Variants in GRID2 observed in about 807,000 individuals in gnomAD.
GRID2 encodes glutamate receptor ionotropic, delta-2.
A neutral mutation model predicts 114.8 loss-of-function variants in GRID2; 33 were observed. The ratio of observed to expected loss-of-function variants is 0.29; its 90% CI spans 0.22 to 0.38. The LOEUF (loss-of-function observed/expected upper bound fraction) is 0.38, where lower values mean the gene tolerates loss of function less well. Ranked by LOEUF, GRID2 falls within the 10% of genes least tolerant of loss-of-function variation. GRID2 has a pLI of 1.00. For synonymous variants in GRID2, 505 were observed against 449.9 expected (o/e 1.12, Z -1.55); for missense variants, 1,184 against 1,257.7 (o/e 0.94, Z 0.89).
At chr4:93,683,007 C>G (rs554602645) in intron 14 of GRID2, among the ~76,000 whole-genome samples, 1 of 151,680 alleles carries the variant, frequency 6.6e-6, no homozygotes, top group African/African-American at 2.4e-5. Context: ...AGGTTAAAAA[C>G]TGAGGGAAAT....
chr4:93,300,759 A>G (rs1754783722), intron 8 of GRID2, among the ~76,000 whole-genome samples: 1 of 152,280 alleles, frequency 6.6e-6, no homozygotes, highest in South Asian at 2.1e-4. Flanking sequence ...CTGCCTTAAA[A>G]TCCGAGCTCC....
At chr4:93,169,606 T>A (rs1332133137) in intron 4 of GRID2, among the ~76,000 whole-genome samples, 1 of 152,214 alleles carries the variant, frequency 6.6e-6, no homozygotes, top group Admixed American at 6.5e-5. Context: ...GCATCCTTTA[T>A]ATCACAGAAA....
At chr4:92,429,923 A>C (rs1732356872) in intron 1 of GRID2, among the ~76,000 whole-genome samples, 1 of 152,198 alleles carries the variant, frequency 6.6e-6, no homozygotes, top group Middle Eastern at 3.4e-3. Context: ...GTCTATTCAG[A>C]TCTTTTGCCT....
chr4:92,943,842 C>A (rs1010722107), intron 2 of GRID2, among the ~76,000 whole-genome samples: 4 of 152,198 alleles, frequency 2.6e-5, no homozygotes, highest in Non-Finnish European at 5.9e-5. Context: ...GCTGGAGGTC[C>A]ACTCCAGGCC....
chr4:93,683,126 C>T (rs1012466445), intron 14 of GRID2, among the ~76,000 whole-genome samples: 2 of 151,816 alleles, frequency 1.3e-5, no homozygotes. Context: ...GGAAAAAAAG[C>T]TCTCTATTTG....
At chr4:92,993,894 A>T (rs1755051610) in intron 2 of GRID2, among the ~76,000 whole-genome samples, 1 of 152,158 alleles carries the variant, frequency 6.6e-6, no homozygotes, top group African/African-American at 2.4e-5. Context: ...GTTTTCTTGT[A>T]TCCTTGTTCC....
chr4:93,461,927 A>G (rs1452041464), intron 11 of GRID2, among the ~76,000 whole-genome samples: 2 of 152,174 alleles, frequency 1.3e-5, no homozygotes, highest in Non-Finnish European at 2.9e-5. Context: ...TCTGGTCTCC[A>G]GAGGACTTCA....
intron 2 of GRID2, among the ~76,000 whole-genome samples, chr4:92,797,134 T>C (rs1419239301): frequency 1.3e-5 from 2 of 151,976 alleles, no homozygotes; most frequent in Non-Finnish European, 2.9e-5. Flanking sequence ...ATCTTGACTT[T>C]TATCTGCTTC....
chr4:93,175,919 A>C (rs1171918208), intron 4 of GRID2, among the ~76,000 whole-genome samples: 4 of 152,230 alleles, frequency 2.6e-5, no homozygotes, highest in Non-Finnish European at 4.4e-5. Flanking sequence ...GGCAACACTC[A>C]GAATCTGCAT....
At chr4:93,293,664 A>G (rs909335666) in intron 8 of GRID2, among the ~76,000 whole-genome samples, 2 of 152,176 alleles carry the variant, frequency 1.3e-5, no homozygotes, top group African/African-American at 4.8e-5. Flanking sequence ...AATCAACCCA[A>G]TAAGCAACAC....
At chr4:93,290,524 T>A (rs547687040) in intron 8 of GRID2, among the ~76,000 whole-genome samples, 1 of 152,198 alleles carries the variant, frequency 6.6e-6, no homozygotes, top group Non-Finnish European at 1.5e-5. Context: ...TTTTGTACTT[T>A]TGGCTTTGTT....
intron 11 of GRID2, among the ~76,000 whole-genome samples, chr4:93,473,998 T>C (rs1725083433): frequency 6.6e-6 from 1 of 152,160 alleles, no homozygotes; most frequent in African/African-American, 2.4e-5. Context: ...TGTTTGCATG[T>C]ACAATTTATA....
intron 2 of GRID2, among the ~76,000 whole-genome samples, chr4:92,681,648 A>G (rs964611680): frequency 2.0e-5 from 3 of 152,168 alleles, no homozygotes; most frequent in Non-Finnish European, 4.4e-5. Flanking sequence ...TATGTAACAA[A>G]CCTGCACATT....
intron 2 of GRID2, among the ~76,000 whole-genome samples, chr4:92,925,388 A>G (rs986968903): frequency 6.6e-6 from 1 of 152,054 alleles, no homozygotes; most frequent in African/African-American, 2.4e-5. Flanking sequence ...AACATATTAA[A>G]TTACTACATG....
At chr4:93,793,160 C>T (rs2110360308) in intron 1 of GRID2, among the ~76,000 whole-genome samples, 1 of 152,102 alleles carries the variant, frequency 6.6e-6, no homozygotes, top group East Asian at 1.9e-4. Context: ...TATTAAAAGG[C>T]AAGAAATTAG....
intron 1 of GRID2, among the ~76,000 whole-genome samples, chr4:92,516,742 G>C (rs1440031339): frequency 2.0e-5 from 3 of 151,934 alleles, no homozygotes; most frequent in Non-Finnish European, 2.9e-5. Flanking sequence ...TTCGGTTACT[G>C]TGCAGGCTTC....
intron 2 of GRID2, among the ~76,000 whole-genome samples, chr4:93,010,848 T>C (rs1221959373): frequency 6.6e-6 from 1 of 152,134 alleles, no homozygotes; most frequent in African/African-American, 2.4e-5. Flanking sequence ...TATAATTTTT[T>C]CTGTTGTGTT....
At chr4:93,179,267 G>A (rs911128354) in intron 4 of GRID2, among the ~76,000 whole-genome samples, 3 of 152,180 alleles carry the variant, frequency 2.0e-5, no homozygotes, top group African/African-American at 7.2e-5. Context: ...AGCCAGGGTA[G>A]ATGGGAGTGA....
intron 8 of GRID2, among the ~76,000 whole-genome samples, chr4:93,387,126 T>G (rs1208548831): frequency 3.3e-5 from 5 of 152,130 alleles, no homozygotes; most frequent in Non-Finnish European, 5.9e-5. Flanking sequence ...TGAGAGGATT[T>G]CTAGGAGAAA....
Sources: gnomAD v4.1 joint callset for allele counts (sites outside exome capture counted in the v4.1 genomes callset) on GRCh38, gnomAD v4.1.1 for gene constraint, MANE v1.5 for transcripts, NCBI Gene and HGNC (gene_info 2026-07-23, HGNC 2026-07-21) for gene names.